The following LHPP variants were observed in gnomAD, a reference collection of about 807,000 sequenced individuals.
The protein encoded by LHPP is phospholysine phosphohistidine inorganic pyrophosphate phosphatase.
Under a neutral mutation model 30.3 loss-of-function variants are expected in LHPP, and 24 were observed. That is an observed-to-expected ratio of 0.79 (90% CI 0.57 to 1.11). LHPP has a LOEUF of 1.11. LHPP is among the 50% of genes most tolerant of loss of function. LHPP has a pLI of 0.00. For missense variants in LHPP, 356 were observed against 367.2 expected (o/e 0.97, Z 0.25); for synonymous variants, 150 against 157.1 (o/e 0.95, Z 0.34).
intron 5 of LHPP, among the ~76,000 whole-genome samples, chr10:124,502,187 G>A (rs1953923438): frequency 6.6e-6 from 1 of 151,872 alleles, no homozygotes; most frequent in Non-Finnish European, 1.5e-5. Context: ...GGCACAAGGC[G>A]GTTAGCTAAC....
chr10:124,528,127 C>G (rs1467981165), intron 6 of LHPP, among the ~76,000 whole-genome samples: 1 of 152,182 alleles, frequency 6.6e-6, no homozygotes. Flanking sequence ...GCTGTGTGGG[C>G]TGAACAGGGG....
Position 124,471,767 on chromosome 10 carries a change from A to G in LHPP, c.125+9780A>G, listed in dbSNP as rs1041363856. Among the ~76,000 whole-genome samples, 16 of 129,996 alleles carry G rather than the reference A, an allele frequency of 1.2e-4. No individual in the cohort carries two copies. In the Admixed American group the frequency reaches 1.4e-3, roughly 11 times the overall value. 85.3% of individuals were successfully genotyped at this position (129,996 alleles called of 152,430 possible). ...TATATATTTGTATATATATATATTTATATATAAATATTTATGAGAACAGTG... is the reference window on the plus strand; with the variant it reads ...TATATATTTGTATATATATATATTTGTATATAAATATTTATGAGAACAGTG... On this transcript the variant is annotated intron_variant, in intron 1 of 6. Transcript: ENST00000368842.
At chr10:124,575,784 T>G (rs930156273) in intron 6 of LHPP, among the ~76,000 whole-genome samples, 4 of 152,072 alleles carry the variant, frequency 2.6e-5, no homozygotes, top group Admixed American at 6.6e-5. Flanking sequence ...ACCTCCAACT[T>G]GCATCCCGGT....
At chr10:124,594,094 G>T (rs1948913566) in intron 6 of LHPP, among the ~76,000 whole-genome samples, 1 of 152,176 alleles carries the variant, frequency 6.6e-6, no homozygotes, top group Non-Finnish European at 1.5e-5. Context: ...TTGGGAGGCT[G>T]AGGCAGGCGG....
chr10:124,573,668 A>C (rs890734612), intron 6 of LHPP, among the ~76,000 whole-genome samples: 3 of 152,312 alleles, frequency 2.0e-5, no homozygotes, highest in African/African-American at 7.2e-5. Context: ...CTATTTGTTT[A>C]AGGTACAGTC....
At chr10:124,521,578 T>C (rs112192372) in intron 6 of LHPP, among the ~76,000 whole-genome samples, 3,600 of 151,794 alleles carry the variant, frequency 0.024, 119 homozygotes, top group African/African-American at 0.08. Context: ...TTGGCGGAAA[T>C]GGGAGAATGA....
At chr10:124,551,265 T>A (rs2133958913) in intron 6 of LHPP, among the ~76,000 whole-genome samples, 1 of 152,158 alleles carries the variant, frequency 6.6e-6, no homozygotes, top group African/African-American at 2.4e-5. Flanking sequence ...CCCGATCCCA[T>A]CCCGCTGGGG....
At chr10:124,531,996 G>A (rs1169218798) in intron 6 of LHPP, among the ~76,000 whole-genome samples, 4 of 152,240 alleles carry the variant, frequency 2.6e-5, no homozygotes, top group Non-Finnish European at 5.9e-5. Flanking sequence ...ATGTATGCCA[G>A]TGTGGGCTCG....
intron 1 of LHPP, among the ~76,000 whole-genome samples, chr10:124,476,165 G>T (rs974315754): frequency 6.6e-6 from 1 of 152,012 alleles, no homozygotes; most frequent in African/African-American, 2.4e-5. Flanking sequence ...TTGCCGTCCC[G>T]CTAAGGTGAC....
Position 124,522,729 on chromosome 10 carries a change from C to A in LHPP, c.716+5458C>A, listed in dbSNP as rs548267877. Among the ~76,000 whole-genome samples the A allele has an allele frequency of 4.7e-5, 7 of 149,506 alleles. No homozygotes were observed. In the East Asian group the frequency reaches 5.9e-4, roughly 13 times the overall value. ...TAAGTGCACTGCTGCCCACGCCCCC[C>A]CCCAAGCACTGTCTGCTCCTCCCTG... On this transcript the variant is annotated intron_variant, in intron 6 of 6. Transcript: ENST00000368842.
chr10:124,547,202 G>C (rs764208384), intron 6 of LHPP, among the ~76,000 whole-genome samples: 1 of 152,130 alleles, frequency 6.6e-6, no homozygotes, highest in African/African-American at 2.4e-5. Context: ...GTGAGCTGTC[G>C]TGGCGGCACA....
intron 6 of LHPP, among the ~76,000 whole-genome samples, chr10:124,538,204 G>A (rs984667975): frequency 9.2e-5 from 14 of 152,202 alleles, no homozygotes; most frequent in African/African-American, 3.1e-4. Context: ...CACCATGTGG[G>A]GTCACCATGC....
chr10:124,572,417 G>A (rs949738022), intron 6 of LHPP, among the ~76,000 whole-genome samples: 1 of 152,034 alleles, frequency 6.6e-6, no homozygotes, highest in African/African-American at 2.4e-5. Flanking sequence ...GACCACTTGA[G>A]GTCAGGAATT....
intron 2 of LHPP, 152 bp downstream of exon 2, chr10:124,484,478 TC>T (rs1953255203): frequency 1.4e-6 from 1 of 731,012 alleles, no homozygotes; most frequent in East Asian, 2.7e-5. Context: ...TCATGGGACT[TC>T]CTGCTGGGGG....
At chr10:124,594,395 A>G (rs11245307) in intron 6 of LHPP, among the ~76,000 whole-genome samples, 1 of 150,224 alleles carries the variant, frequency 6.7e-6, no homozygotes, top group South Asian at 2.1e-4. Context: ...AAAAAAGTGC[A>G]TGTTTAGACA....
chr10:124,501,751 T>G (rs937987802), intron 5 of LHPP, among the ~76,000 whole-genome samples: 2 of 151,942 alleles, frequency 1.3e-5, no homozygotes, highest in African/African-American at 4.9e-5. Flanking sequence ...CAATAAACAT[T>G]TTAAAACCAC....
chr10:124,540,628 C>T (rs1157724945), intron 6 of LHPP, among the ~76,000 whole-genome samples: 1 of 152,222 alleles, frequency 6.6e-6, no homozygotes, highest in African/African-American at 2.4e-5. Flanking sequence ...CTCGCACACC[C>T]CTGCACTTTG....
intron 6 of LHPP, among the ~76,000 whole-genome samples, chr10:124,521,543 C>T (rs550807783): frequency 5.8e-4 from 88 of 152,304 alleles, no homozygotes; most frequent in African/African-American, 2.0e-3. Context: ...GAAGGCCTTC[C>T]AGGCTCTGTC....
chr10:124,465,826 G>A (rs1304411467), intron 1 of LHPP, among the ~76,000 whole-genome samples: 1 of 152,224 alleles, frequency 6.6e-6, no homozygotes, highest in Admixed American at 6.5e-5. Flanking sequence ...GCCTCCCAAG[G>A]TGCTGGGATC....
Sources: allele counts gnomAD v4.1 joint callset (sites outside exome capture counted in the v4.1 genomes callset), GRCh38; gene constraint gnomAD v4.1.1; transcripts MANE v1.5; gene names NCBI Gene and HGNC (gene_info 2026-07-23, HGNC 2026-07-21).